The following RTP3 variants were observed in gnomAD, a reference collection of about 807,000 sequenced individuals.
RTP3 encodes the protein receptor transporter protein 3.
In RTP3, 2 loss-of-function variants were observed where a neutral mutation model predicts 6.2. That is an observed-to-expected ratio of 0.32 (90% confidence interval 0.13 to 1.02). The LOEUF (loss-of-function observed/expected upper bound fraction) is 1.02, where lower values mean the gene tolerates loss of function less well. Among genes scored for constraint, RTP3 ranks in the 50% least tolerant of loss-of-function variants. The pLI is 0.47. For missense variants in RTP3, 252 were observed against 280.8 expected (o/e 0.90, Z 0.73); for synonymous variants, 106 against 98.3 (o/e 1.08, Z -0.47).
chr3:46,499,660 TG>T (rs1376156197), intron 1 of RTP3, among the ~76,000 whole-genome samples: 1 of 152,256 alleles, frequency 6.6e-6, no homozygotes, highest in Non-Finnish European at 1.5e-5. Flanking sequence ...TCTTGTATCC[TG>T]TCTGAAGCCA....
At position 46,498,099 on chromosome 3, in the gene RTP3, C is replaced by G; in HGVS notation, c.37C>G (p.Gln13Glu). The change falls in exon 1 of 2, where the codon CAG becomes GAG. Residue 13 changes from glutamine to glutamate, a missense_variant. By Grantham distance (29) the Gln-to-Glu change is conservative. Transcript: ENST00000296142. ...GDTEVWKQMF[Q>E]ELMREVKPWH... is the part of the protein sequence containing the mutation. ...CACAGAAGTGTGGAAGCAAATGTTT[C>G]AGGAGTTAATGCGGGAGGTGAAGCC... The G allele has an allele frequency of 6.2e-7, 1 of 1,614,192 alleles. No individual in the cohort carries two copies. The highest frequency in any genetic ancestry group is 8.5e-7 in the Non-Finnish European group (1 of 1,180,038).
chr3:46,498,462 G>A (rs1703671824), intron 1 of RTP3, among the ~76,000 whole-genome samples: 1 of 152,172 alleles, frequency 6.6e-6, no homozygotes, highest in Non-Finnish European at 1.5e-5. Flanking sequence ...AAATCAGTCT[G>A]TGGGGGTGGG....
At chr3:46,499,947 G>T (rs1559619918) in intron 1 of RTP3, among the ~76,000 whole-genome samples, 1 of 152,196 alleles carries the variant, frequency 6.6e-6, no homozygotes, top group Non-Finnish European at 1.5e-5. Context: ...TGCTGTTGCA[G>T]TTGTGGCCTC....
chr3:46,500,372 TG>T lies in RTP3; in HGVS notation c.173del (p.Cys58SerfsTer16), dbSNP rs756346729. On this transcript the variant is annotated frameshift_variant, in exon 2 of 2. Coordinates refer to ENST00000296142, the MANE Select transcript of RTP3 (RefSeq NM_031440.2). LOFTEE classifies it low-confidence loss of function (END_TRUNC). ...WTFARFQCSS[C>X]SRNWASAQVL... ...TCTCCACAGGTTCCAGTGCTCCTCC[TG>T]CTCTCGTAACTGGGCCTCTGCCCAA... is the stretch of plus-strand genomic sequence containing the variant. 1.7e-5 allele frequency: 27 copies of T among 1,610,440 alleles called. No homozygotes were observed. The African/African-American group carries it at 3.2e-4, about 19-fold the overall frequency.
chr3:46,500,197 A>G (rs1331618231), intron 1 of RTP3, among the ~76,000 whole-genome samples, 159 bp from the exon 2 acceptor site: 1 of 152,180 alleles, frequency 6.6e-6, no homozygotes, highest in African/African-American at 2.4e-5. Flanking sequence ...CAGTGGCACA[A>G]TGGAGATGGG....
chr3:46,498,107 A>C lies in RTP3; in HGVS notation c.45A>C (p.Leu15Phe). 2 of 1,614,168 alleles carry C rather than the reference A, an allele frequency of 1.2e-6. No homozygotes were observed. The highest frequency in any genetic ancestry group is 2.2e-5 in the East Asian group (1 of 44,882). The change falls in exon 1 of 2, where the codon TTA becomes TTC. Residue 15 changes from leucine (L) to phenylalanine (F), a missense_variant. Leu to Phe is a conservative substitution (Grantham distance 22). Coordinates refer to ENST00000296142, the MANE Select transcript of RTP3 (RefSeq NM_031440.2). ...TGTGGAAGCAAATGTTTCAGGAGTT[A>C]ATGCGGGAGGTGAAGCCATGGCACA... is the stretch of plus-strand genomic sequence containing the variant. ...TEVWKQMFQE[L>F]MREVKPWHRW...
chr3:46,499,578 C>T (rs1211669233), intron 1 of RTP3, among the ~76,000 whole-genome samples: 1 of 152,218 alleles, frequency 6.6e-6, no homozygotes, highest in Non-Finnish European at 1.5e-5. Flanking sequence ...CTCTCTCTAC[C>T]TCCTGACATG....
At chr3:46,498,670 T>A (rs887545471) in intron 1 of RTP3, among the ~76,000 whole-genome samples, 1 of 152,160 alleles carries the variant, frequency 6.6e-6, no homozygotes, top group African/African-American at 2.4e-5. Context: ...ATCCTGCCCC[T>A]CTCTACTCTG....
At chr3:46,499,892 C>T (rs914067673) in intron 1 of RTP3, among the ~76,000 whole-genome samples, 4 of 152,166 alleles carry the variant, frequency 2.6e-5, no homozygotes, top group Admixed American at 1.3e-4. Context: ...AATCAACACC[C>T]ACCTATAGGC....
intron 1 of RTP3, among the ~76,000 whole-genome samples, chr3:46,499,459 G>A (rs911111343): frequency 6.6e-6 from 1 of 152,202 alleles, no homozygotes; most frequent in African/African-American, 2.4e-5. Flanking sequence ...GGAAGTGGGA[G>A]GGAGTGCATG....
rs1033566027 is a variant in RTP3, at chr3:46,500,510, C to G, written c.310C>G (p.Pro104Ala). The G allele has an allele frequency of 1.2e-5, 20 of 1,614,064 alleles. No individual in the cohort carries two copies. The Admixed American group carries it at 1.8e-4, about 15-fold the overall frequency. ...KKCPQPLFED[P>A]EFTQENISRI... ...GTGCCCCCAACCTCTGTTTGAGGAC[C>G]CTGAGTTCACACAAGAGAACATCTC... Residue 104 changes from proline (P) to alanine (A), a missense_variant, in exon 2 of 2, where the codon CCT becomes GCT. By Grantham distance (27) the Pro-to-Ala change is conservative. Transcript: ENST00000296142.
At position 46,500,344 on chromosome 3, in the gene RTP3, C is replaced by G; in HGVS notation, c.156-12C>G. ...CATGGAGCCAGGCTGAGACTCTCTT[C>G]TGTCTCCACAGGTTCCAGTGCTCCT... On this transcript the variant is annotated splice_polypyrimidine_tract_variant and intron_variant, in intron 1 of 1. Transcript: ENST00000296142. The G allele has an allele frequency of 6.3e-7, 1 of 1,587,260 alleles. No individual in the cohort carries two copies. The highest frequency in any genetic ancestry group is 8.6e-7 in the Non-Finnish European group (1 of 1,169,110).
Position 46,500,664 on chromosome 3 carries a change from A to AG in RTP3, c.466dup (p.Ala156GlyfsTer35). The stretch of plus-strand genomic sequence containing the variant: ...GGGCCACACAATAGTGACAACTGTG[A>AG]GGCATGTCTGCAGGGCTTCTGTGCT... On this transcript the variant is annotated frameshift_variant, in exon 2 of 2. Coordinates refer to ENST00000296142, the MANE Select transcript of RTP3 (RefSeq NM_031440.2). LOFTEE classifies it low-confidence loss of function (END_TRUNC). 1.2e-6 allele frequency: 2 copies of AG among 1,614,016 alleles called. No individual in the cohort carries two copies. Among genetic ancestry groups the AG allele is most frequent in the Non-Finnish European group, 1.7e-6 (2 of 1,179,932 alleles).
At chr3:46,498,307 C>A in intron 1 of RTP3, 90 bp downstream of exon 1, 3 of 1,430,948 alleles carry the variant, frequency 2.1e-6, no homozygotes, top group East Asian at 2.3e-5. Flanking sequence ...CTATTCTGTG[C>A]TTTCAAATTG....
At chr3:46,498,241 C>T (rs375672454) in intron 1 of RTP3, 24 bp downstream of exon 1, 13 of 1,613,482 alleles carry the variant, frequency 8.1e-6, no homozygotes, top group Middle Eastern at 1.6e-4. Context: ...TGATGGTACA[C>T]GTTCCAGAAA....
At position 46,500,654 on chromosome 3, in the gene RTP3, G is replaced by A; in HGVS notation, c.454G>A (p.Asp152Asn). ...CTCTCTTGAAGGGCCACACAATAGT[G>A]ACAACTGTGAGGCATGTCTGCAGGG... ...DISLEGPHNS[D>N]NCEACLQGFC... Residue 152 changes from aspartate to asparagine, a missense_variant, in exon 2 of 2, where the codon GAC becomes AAC. Coordinates refer to ENST00000296142, the MANE Select transcript of RTP3 (RefSeq NM_031440.2). The A allele has an allele frequency of 1.2e-6, 2 of 1,614,058 alleles. No individual in the cohort carries two copies. The highest frequency in any genetic ancestry group is 8.5e-7 in the Non-Finnish European group (1 of 1,179,958).
rs1291951244 is a variant in RTP3 at position 46,500,521 on chromosome 3, A to C, written c.321A>C (p.Thr107=). Residue 107 remains threonine, a synonymous_variant, in exon 2 of 2, where the codon ACA becomes ACC. Coordinates refer to ENST00000296142, the MANE Select transcript of RTP3 (RefSeq NM_031440.2). Reference sequence around the variant, plus strand: ...CTCTGTTTGAGGACCCTGAGTTCACACAAGAGAACATCTCAAGGATCCTGA... The same window carrying C: ...CTCTGTTTGAGGACCCTGAGTTCACCCAAGAGAACATCTCAAGGATCCTGA... ...PQPLFEDPEF[T]QENISRILKN... The C allele has an allele frequency of 1.2e-6, 2 of 1,614,114 alleles. No individual in the cohort carries two copies. The highest frequency in any genetic ancestry group is 1.7e-6 in the Non-Finnish European group (2 of 1,180,048).
chr3:46,498,475 G>A (rs186652827), intron 1 of RTP3, among the ~76,000 whole-genome samples: 1,881 of 152,246 alleles, frequency 0.012, 17 homozygotes, highest in Non-Finnish European at 0.021. Flanking sequence ...GGGGTGGGGA[G>A]AGGGAGCAGC....
chr3:46,498,829 C>T (rs912620355), intron 1 of RTP3, among the ~76,000 whole-genome samples: 6 of 152,360 alleles, frequency 3.9e-5, no homozygotes, highest in Middle Eastern at 6.8e-3. Context: ...CCGCTGTCCC[C>T]TCCCAGGGAG....
Sources: gnomAD v4.1 joint callset for allele counts (sites outside exome capture counted in the v4.1 genomes callset) on GRCh38, gnomAD v4.1.1 for gene constraint, MANE v1.5 for transcripts, NCBI Gene and HGNC (gene_info 2026-07-23, HGNC 2026-07-21) for gene names.